Variants in ARHGEF4 observed in about 807,000 individuals in gnomAD.
ARHGEF4 encodes Rho guanine nucleotide exchange factor 4, also known as APC-stimulated guanine nucleotide exchange factor 1.
ARHGEF4 carries 119 observed loss-of-function variants against 162.0 expected under a neutral mutation model. The observed-to-expected ratio is 0.73, with a 90% confidence interval of 0.63 to 0.86. ARHGEF4 has a LOEUF of 0.86. ARHGEF4 is among the 40% of genes least tolerant of loss of function. ARHGEF4 has a pLI of 0.00. For missense variants in ARHGEF4, 2,488 were observed against 2,456.0 expected, an observed-to-expected ratio of 1.01 and a Z score of -0.28; for synonymous variants, 1,014 against 979.9, an observed-to-expected ratio of 1.03 and a Z score of -0.65.
At chr2:130,851,818 G>A (rs918041177) in intron 1 of ARHGEF4, among the ~76,000 whole-genome samples, 2 of 152,204 alleles carry the variant, frequency 1.3e-5, no homozygotes, top group Non-Finnish European at 2.9e-5. Flanking sequence ...AGTCTCTCCG[G>A]GCTTGTGTAA....
At chr2:130,853,763 C>T (rs114418012) in intron 1 of ARHGEF4, among the ~76,000 whole-genome samples, 102 of 152,304 alleles carry the variant, frequency 6.7e-4, no homozygotes, top group African/African-American at 2.4e-3. Flanking sequence ...TGCTTGTGTC[C>T]AGTGTTGTGG....
At chr2:130,945,007 A>G (rs1488055493) in intron 3 of ARHGEF4, among the ~76,000 whole-genome samples, 1 of 152,160 alleles carries the variant, frequency 6.6e-6, no homozygotes, top group African/African-American at 2.4e-5. Flanking sequence ...AGATGTTTGC[A>G]GTGCCACTTG....
At chr2:131,023,633 G>A (rs1006781549) in intron 4 of ARHGEF4, among the ~76,000 whole-genome samples, 3 of 152,162 alleles carry the variant, frequency 2.0e-5, no homozygotes, top group African/African-American at 7.2e-5. Context: ...TTCAGAGAAA[G>A]TGATCTCTGA....
intron 5 of ARHGEF4, among the ~76,000 whole-genome samples, chr2:131,029,218 G>C (rs1158599102): frequency 9.9e-5 from 15 of 152,028 alleles, no homozygotes; most frequent in Non-Finnish European, 8.8e-5. Flanking sequence ...AATTAGCCAG[G>C]CATGGTGGCG....
intron 2 of ARHGEF4, among the ~76,000 whole-genome samples, chr2:130,921,930 A>G (rs12989302): frequency 0.98 from 149,262 of 151,996 alleles, 73,338 homozygotes; most frequent in Middle Eastern, 1. Context: ...GAGGTCAAGT[A>G]ATCCACCTGC....
chr2:130,839,914 C>T (rs892779850), intron 1 of ARHGEF4, among the ~76,000 whole-genome samples: 2 of 152,098 alleles, frequency 1.3e-5, no homozygotes, highest in Non-Finnish European at 2.9e-5. Flanking sequence ...TACTTGGTTT[C>T]CTCCAAGACC....
chr2:130,960,910 T>C (rs1471764810), intron 4 of ARHGEF4, among the ~76,000 whole-genome samples: 1 of 152,154 alleles, frequency 6.6e-6, no homozygotes, highest in East Asian at 1.9e-4. Flanking sequence ...GGAGACCTGA[T>C]TCAAAATTAC....
chr2:130,884,981 A>G (rs1457306984), intron 1 of ARHGEF4, among the ~76,000 whole-genome samples: 1 of 152,150 alleles, frequency 6.6e-6, no homozygotes, highest in East Asian at 1.9e-4. Context: ...AGAGAATGAA[A>G]AGAGGTACCA....
At chr2:131,027,574 T>A (rs1045052863) in intron 4 of ARHGEF4, among the ~76,000 whole-genome samples, 7 of 152,198 alleles carry the variant, frequency 4.6e-5, no homozygotes, top group Non-Finnish European at 1.0e-4. Flanking sequence ...ATATATTGCA[T>A]AACAAAATGT....
Position 130,917,029 on chromosome 2 carries a change from C to T in ARHGEF4, c.3083C>T (p.Pro1028Leu), listed in dbSNP as rs559994783. The change falls in exon 2 of 14, where the codon CCG becomes CTG. Residue 1028 changes from proline to leucine, a missense_variant. Transcript: ENST00000409359. ...CCAGAACACAGGAGGAAAAGTGAAC[C>T]GACCATCAAGTGCACAGCCACCCAG... ...VSPEHRRKSE[P>L]TIKCTATQEG... 1 of 1,550,886 alleles carries T rather than the reference C, an allele frequency of 6.4e-7. No homozygotes were observed. Among genetic ancestry groups the T allele is most frequent in the Non-Finnish European group, 8.7e-7 (1 of 1,147,062 alleles).
chr2:130,979,826 T>C (rs535937819), intron 4 of ARHGEF4, among the ~76,000 whole-genome samples: 88 of 145,122 alleles, frequency 6.1e-4, no homozygotes, highest in African/African-American at 2.1e-3. Context: ...TATCACAAAA[T>C]AGGATCACAA....
intron 1 of ARHGEF4, among the ~76,000 whole-genome samples, chr2:130,903,474 G>T (rs1396756502): frequency 6.6e-6 from 1 of 152,066 alleles, no homozygotes; most frequent in East Asian, 1.9e-4. Flanking sequence ...TGGCCATGAT[G>T]GTCTCGATCT....
intron 4 of ARHGEF4, among the ~76,000 whole-genome samples, chr2:130,962,672 C>G (rs1047850614): frequency 6.6e-6 from 1 of 152,078 alleles, no homozygotes; most frequent in Non-Finnish European, 1.5e-5. Flanking sequence ...TTTCTAGCAC[C>G]CACCCTATAC....
In ARHGEF4 at chr2:130,931,166, G is replaced by A. The variant is rs764282836; in HGVS notation, c.3767G>A (p.Trp1256Ter). The A allele has an allele frequency of 1.9e-6, 3 of 1,614,184 alleles. No homozygotes were observed. The highest frequency in any genetic ancestry group is 4.5e-5 in the East Asian group (2 of 44,888). ...TCGCCCGTCAGTGTGGATGACCTGT[G>A]GCTGGAGAAGACACAGAGAAAGAAG... ...HRSPVSVDDL[W>*]LEKTQRKKLQ... Residue 1256 changes from tryptophan (W) to a stop codon, truncating the protein, a stop_gained, in exon 3 of 14, where the codon TGG becomes TAG. Coordinates refer to ENST00000409359, the MANE Select transcript of ARHGEF4 (RefSeq NM_001367493.1). LOFTEE classifies it high-confidence loss of function.
chr2:130,962,645 G>A (rs1684696228), intron 4 of ARHGEF4, among the ~76,000 whole-genome samples: 2 of 152,046 alleles, frequency 1.3e-5, no homozygotes, highest in African/African-American at 4.8e-5. Flanking sequence ...TGGAGGGCAG[G>A]GCACCAAATG....
At chr2:130,974,159 C>T (rs1421038174) in intron 4 of ARHGEF4, among the ~76,000 whole-genome samples, 2 of 151,586 alleles carry the variant, frequency 1.3e-5, no homozygotes, top group African/African-American at 4.8e-5. Context: ...GTCGTCCCAG[C>T]CACTTGGGAG....
chr2:130,993,515 A>G (rs986056517), intron 4 of ARHGEF4, among the ~76,000 whole-genome samples: 1 of 152,014 alleles, frequency 6.6e-6, no homozygotes, highest in Non-Finnish European at 1.5e-5. Context: ...TTGTTTTATC[A>G]GTTGCTAAGG....
At chr2:130,901,505 C>T (rs540255480) in intron 1 of ARHGEF4, among the ~76,000 whole-genome samples, 5 of 151,196 alleles carry the variant, frequency 3.3e-5, no homozygotes, top group Non-Finnish European at 7.4e-5. Flanking sequence ...ATCTCCCCTG[C>T]GATCCAGAGC....
intron 1 of ARHGEF4, among the ~76,000 whole-genome samples, chr2:130,904,984 C>A (rs1318512463): frequency 1.3e-5 from 2 of 152,184 alleles, no homozygotes; most frequent in Non-Finnish European, 2.9e-5. Context: ...GAGGCTGAGG[C>A]ACGAGAATCG....
Sources: gnomAD v4.1 joint callset for allele counts (sites outside exome capture counted in the v4.1 genomes callset) on GRCh38, gnomAD v4.1.1 for gene constraint, MANE v1.5 for transcripts, NCBI Gene and HGNC (gene_info 2026-07-23, HGNC 2026-07-21) for gene names.